Variants in TMTC2 observed in about 807,000 individuals in gnomAD.
TMTC2 encodes transmembrane O-mannosyltransferase targeting cadherins 2, also known as protein O-mannosyl-transferase TMTC2.
TMTC2 carries 43 observed loss-of-function variants against 82.4 expected under a neutral mutation model. The observed-to-expected ratio is 0.52, with a 90% CI of 0.41 to 0.67. TMTC2 has a LOEUF of 0.67. TMTC2 is among the 30% of genes least tolerant of loss of function. The pLI is 0.00. For synonymous variants in TMTC2, 408 were observed against 381.9 expected (o/e 1.07, Z -0.80); for missense variants, 919 against 1,012.4 (o/e 0.91, Z 1.25).
At chr12:82,869,622 G>C (rs1010736679) in intron 2 of TMTC2, among the ~76,000 whole-genome samples, 1 of 151,990 alleles carries the variant, frequency 6.6e-6, no homozygotes, top group Non-Finnish European at 1.5e-5. Flanking sequence ...GGTGGATCGT[G>C]TGAGCCAGGA....
chr12:83,074,771 C>T (rs2137494045), intron 11 of TMTC2, among the ~76,000 whole-genome samples: 1 of 152,200 alleles, frequency 6.6e-6, no homozygotes, highest in East Asian at 1.9e-4. Flanking sequence ...GTCTTGAAAA[C>T]TTGCCCCAGG....
At chr12:82,860,138 T>C (rs1402411458) in intron 2 of TMTC2, among the ~76,000 whole-genome samples, 1 of 152,114 alleles carries the variant, frequency 6.6e-6, no homozygotes, top group Non-Finnish European at 1.5e-5. Flanking sequence ...CAGGCCTGGC[T>C]AATTTTTGTA....
At chr12:83,057,582 T>TC (rs1882592182) in intron 10 of TMTC2, among the ~76,000 whole-genome samples, 3 of 151,946 alleles carry the variant, frequency 2.0e-5, no homozygotes, top group Non-Finnish European at 4.4e-5. Context: ...TCCTACTGTA[T>TC]AACATATCAA....
At chr12:82,697,021 C>T (rs1004674007) in intron 1 of TMTC2, among the ~76,000 whole-genome samples, 1 of 148,532 alleles carries the variant, frequency 6.7e-6, no homozygotes, top group African/African-American at 2.5e-5. Context: ...TAACTTCAAC[C>T]TCTGTGGGAA....
chr12:82,765,718 A>C (rs776116481), intron 1 of TMTC2, among the ~76,000 whole-genome samples: 11 of 151,926 alleles, frequency 7.2e-5, no homozygotes, highest in South Asian at 2.1e-4. Context: ...AACAAACAAA[A>C]AAAAACAAAG....
chr12:82,695,692 A>G (rs1473777834), intron 1 of TMTC2, among the ~76,000 whole-genome samples: 5 of 152,222 alleles, frequency 3.3e-5, no homozygotes, highest in Non-Finnish European at 5.9e-5. Flanking sequence ...TTGTCAGTGC[A>G]TGTAGAAGTG....
At chr12:82,719,327 C>T (rs187853935) in intron 1 of TMTC2, among the ~76,000 whole-genome samples, 11 of 151,586 alleles carry the variant, frequency 7.3e-5, no homozygotes, top group East Asian at 1.9e-4. Flanking sequence ...CTCCTGACCT[C>T]GTGATCCACC....
intron 11 of TMTC2, among the ~76,000 whole-genome samples, chr12:83,112,358 C>G (rs1884626264): frequency 6.6e-6 from 1 of 152,152 alleles, no homozygotes. Context: ...AGAGAGCATG[C>G]TCATTTAGCA....
At chr12:82,938,544 A>G (rs79890208) in intron 4 of TMTC2, among the ~76,000 whole-genome samples, 12,173 of 152,148 alleles carry the variant, frequency 0.08, 609 homozygotes, top group African/African-American at 0.11. Context: ...AGGAGTGCCC[A>G]GAAGTGTTGG....
intron 3 of TMTC2, among the ~76,000 whole-genome samples, chr12:82,929,558 T>C (rs1299463267): frequency 6.6e-6 from 1 of 152,202 alleles, no homozygotes; most frequent in Admixed American, 6.5e-5. Context: ...CCTTTCATTT[T>C]TCAGGTACAG....
intron 1 of TMTC2, among the ~76,000 whole-genome samples, chr12:82,730,728 T>C (rs1874754160): frequency 6.6e-6 from 1 of 152,226 alleles, no homozygotes; most frequent in East Asian, 1.9e-4. Flanking sequence ...TGGAGCCATC[T>C]TGAAAAGAAA....
At chr12:82,807,754 A>T (rs1222550884) in intron 1 of TMTC2, among the ~76,000 whole-genome samples, 1 of 152,198 alleles carries the variant, frequency 6.6e-6, no homozygotes, top group East Asian at 1.9e-4. Context: ...TAGACCAGTG[A>T]TCTAATACTC....
chr12:82,989,630 T>G (rs2137345312), intron 8 of TMTC2, among the ~76,000 whole-genome samples: 3 of 152,042 alleles, frequency 2.0e-5, no homozygotes, highest in Admixed American at 2.0e-4. Context: ...CTGTATATGC[T>G]TAGACCATGG....
In TMTC2 at chr12:82,997,602, AAAG is replaced by A. The variant is rs538057660; in HGVS notation, c.2070+11562_2070+11564del. Among the ~76,000 whole-genome samples, 456 of 151,080 alleles carry A rather than the reference AAAG, an allele frequency of 3.0e-3. 2 individuals are homozygous for A. Among genetic ancestry groups the A allele is most frequent in the African/African-American group, 0.011 (442 of 41,268 alleles). ...AAGGATTGCTTTTAAGTAAGAATAA[AAAG>A]AAGAATTTCAAATATGCTGAAATTT... On this transcript the variant is annotated intron_variant, in intron 8 of 11. Coordinates refer to ENST00000321196, the MANE Select transcript of TMTC2 (RefSeq NM_152588.3).
intron 11 of TMTC2, among the ~76,000 whole-genome samples, chr12:83,126,636 G>A (rs962457458): frequency 1.1e-4 from 16 of 152,088 alleles, no homozygotes; most frequent in Non-Finnish European, 1.9e-4. Context: ...TGGTTGTAAA[G>A]TTATCAAGAC....
At chr12:82,959,825 A>T (rs1877822963) in intron 4 of TMTC2, among the ~76,000 whole-genome samples, 1 of 152,002 alleles carries the variant, frequency 6.6e-6, no homozygotes, top group African/African-American at 2.4e-5. Flanking sequence ...ATTAACAAGC[A>T]GCACCTAATT....
At chr12:82,842,216 A>G (rs73157498) in intron 1 of TMTC2, among the ~76,000 whole-genome samples, 11 of 152,334 alleles carry the variant, frequency 7.2e-5, no homozygotes, top group Non-Finnish European at 1.3e-4. Context: ...TTGTAGCATT[A>G]TTGAAGATAA....
intron 1 of TMTC2, among the ~76,000 whole-genome samples, chr12:82,712,498 T>C (rs17009882): frequency 0.1 from 15,302 of 149,816 alleles, 911 homozygotes; most frequent in East Asian, 0.24. Flanking sequence ...TTTTGTACAT[T>C]ACCTCATTCA....
intron 3 of TMTC2, 57 bp from the exon 4 acceptor site, chr12:82,930,373 TA>T: frequency 1.0e-6 from 1 of 954,658 alleles, no homozygotes; most frequent in Non-Finnish European, 1.6e-6. Context: ...GGCCTGATAT[TA>T]TGTCATGTAT....
Sources: allele counts gnomAD v4.1 joint callset (sites outside exome capture counted in the v4.1 genomes callset), GRCh38; gene constraint gnomAD v4.1.1; transcripts MANE v1.5; gene names NCBI Gene and HGNC (gene_info 2026-07-23, HGNC 2026-07-21).